LMBRD1: variants seen among roughly 807,000 people sequenced by gnomAD.
LMBRD1 encodes the protein LMBR1 domain containing 1.
LMBRD1 carries 64 observed loss-of-function variants against 74.8 expected under a neutral mutation model. The ratio of observed to expected loss-of-function variants is 0.86; its 90% CI spans 0.70 to 1.05. The LOEUF (loss-of-function observed/expected upper bound fraction) is 1.05, where lower values mean the gene tolerates loss of function less well. LMBRD1 is among the 50% of genes least tolerant of loss of function. The pLI is 0.00. For missense variants in LMBRD1, 652 were observed against 645.9 expected (o/e 1.01, Z -0.10); for synonymous variants, 204 against 216.3 (o/e 0.94, Z 0.50).
intron 9 of LMBRD1, chr6:69,705,325 C>A (rs1351557761): frequency 4.0e-6 from 3 of 757,944 alleles, no homozygotes; most frequent in African/African-American, 3.4e-5. Flanking sequence ...TCTTGAATAG[C>A]CTCCTGGTCA....
intron 3 of LMBRD1, among the ~76,000 whole-genome samples, chr6:69,772,989 C>T (rs892185007): frequency 6.6e-6 from 1 of 152,154 alleles, no homozygotes; most frequent in Non-Finnish European, 1.5e-5. Flanking sequence ...GAAGTAGGTA[C>T]TACTTTATCA....
intron 14 of LMBRD1, 67 bp from the exon 15 acceptor site, chr6:69,676,608 T>G: frequency 8.2e-7 from 1 of 1,215,824 alleles, no homozygotes; most frequent in Non-Finnish European, 1.2e-6. Flanking sequence ...TAATACTTTC[T>G]CTAAAAGATT....
intron 3 of LMBRD1, among the ~76,000 whole-genome samples, chr6:69,760,726 T>C (rs1765356452): frequency 6.6e-6 from 1 of 152,172 alleles, no homozygotes; most frequent in Non-Finnish European, 1.5e-5. Flanking sequence ...TGGGATGTCA[T>C]TTCTGAGATT....
intron 8 of LMBRD1, among the ~76,000 whole-genome samples, chr6:69,718,291 T>C (rs533271241): frequency 6.6e-6 from 1 of 152,168 alleles, no homozygotes; most frequent in South Asian, 2.1e-4. Flanking sequence ...TATAGTAAAA[T>C]ATAATATTAT....
intron 7 of LMBRD1, among the ~76,000 whole-genome samples, chr6:69,728,147 G>A (rs774711662): frequency 6.6e-6 from 1 of 152,162 alleles, no homozygotes; most frequent in Non-Finnish European, 1.5e-5. Flanking sequence ...AAGCCAGCAC[G>A]TTATATGTTG....
Position 69,697,621 on chromosome 6 carries a change from A to T in LMBRD1, c.1359T>A (p.Asn453Lys). 6.3e-7 allele frequency: 1 copy of T among 1,594,760 alleles called. No homozygotes were observed. The highest frequency in any genetic ancestry group is 1.1e-5 in the South Asian group (1 of 90,630). The change falls in exon 14 of 16, where the codon AAT becomes AAA. Residue 453 changes from asparagine (N) to lysine (K), a missense_variant. This residue lies in a region of LMBRD1 where 598 missense variants were observed against 581.8 expected (regional missense o/e 1.03). Coordinates refer to ENST00000649934, the MANE Select transcript of LMBRD1 (RefSeq NM_018368.4). ...CAGAAAGGGTTGAATTGCCTTTATG[A>T]TTATCAGAAGTTATATTAGTCTGAA... is the stretch of plus-strand genomic sequence containing the variant. ...YLIETNITSD[N>K]HKGNSTLSVP...
chr6:69,759,384 C>G (rs1454104019), intron 3 of LMBRD1, among the ~76,000 whole-genome samples: 1 of 151,918 alleles, frequency 6.6e-6, no homozygotes, highest in African/African-American at 2.4e-5. Context: ...AAATTACAGA[C>G]CAGTCTCACC....
intron 3 of LMBRD1, among the ~76,000 whole-genome samples, chr6:69,772,220 G>A (rs1442655328): frequency 6.6e-6 from 1 of 152,138 alleles, no homozygotes; most frequent in African/African-American, 2.4e-5. Context: ...ATATTTAGAA[G>A]GAAGCAATGG....
At position 69,674,198 on chromosome 6, in the gene LMBRD1, A is replaced by C. The variant is rs564934130; in HGVS notation, c.*1960T>G. The stretch of plus-strand genomic sequence containing the variant: ...CTAGATGTCTCTCCCCCTTCTTATA[A>C]GAACACCAGTCATATTGGATTTGGG... On this transcript the variant is annotated 3_prime_UTR_variant, in exon 16 of 16. Transcript: ENST00000649934. Among the ~76,000 whole-genome samples the C allele has an allele frequency of 1.5e-4, 23 of 152,286 alleles. No homozygotes were observed. Among genetic ancestry groups the C allele is most frequent in the Admixed American group, 9.8e-4 (15 of 15,284 alleles).
rs78281743 is a variant in LMBRD1, at chr6:69,718,891, A to G, written c.762+65T>C. On this transcript the variant is annotated intron_variant, in intron 8 of 15. Coordinates refer to ENST00000649934, the MANE Select transcript of LMBRD1 (RefSeq NM_018368.4). ...ATGGGGTTGACAATGTCTAAGTCAT[A>G]TCAGAAAGCAGCTCTAAGACAAAGT... The G allele has an allele frequency of 6.1e-4, 951 of 1,562,382 alleles. 20 individuals are homozygous for G. In the East Asian group the frequency reaches 0.021, roughly 34 times the overall value.
intron 7 of LMBRD1, among the ~76,000 whole-genome samples, chr6:69,731,895 G>A (rs1336995266): frequency 6.6e-6 from 1 of 152,048 alleles, no homozygotes; most frequent in Non-Finnish European, 1.5e-5. Flanking sequence ...CAAATATAAA[G>A]TTTTAGGAAC....
At chr6:69,774,987 A>AGGGAGGGAGGGAGGGAGGG (rs1765663433) in intron 3 of LMBRD1, among the ~76,000 whole-genome samples, 1 of 23,314 alleles carries the variant, frequency 4.3e-5, no homozygotes, top group African/African-American at 2.1e-4. Flanking sequence ...GGAAGGAAGG[A>AGGGAGGGAGGGAGGGAGGG]AGGGAGGGAG....
chr6:69,751,079 T>C (rs919854412), intron 4 of LMBRD1, among the ~76,000 whole-genome samples: 8 of 152,160 alleles, frequency 5.3e-5, no homozygotes, highest in Non-Finnish European at 8.8e-5. Flanking sequence ...TTTTGACATA[T>C]ACCTTTTAAC....
intron 13 of LMBRD1, 137 bp downstream of exon 13, chr6:69,698,903 AAAT>A (rs1278952517): frequency 2.9e-5 from 18 of 628,254 alleles, no homozygotes; most frequent in Non-Finnish European, 4.4e-5. Flanking sequence ...CTAAAAATAG[AAAT>A]AAAAAACCAG....
intron 5 of LMBRD1, chr6:69,746,945 C>A (rs1219493311): frequency 6.6e-6 from 1 of 151,824 alleles, no homozygotes; most frequent in East Asian, 1.9e-4. Flanking sequence ...TCCCTTACCA[C>A]ACTGAGAATC....
chr6:69,756,624 T>C (rs769868400), intron 3 of LMBRD1, among the ~76,000 whole-genome samples: 33 of 152,150 alleles, frequency 2.2e-4, no homozygotes, highest in Non-Finnish European at 3.8e-4. Context: ...ACCCAACAAT[T>C]TTCTTCCTCT....
At chr6:69,691,012 CT>C (rs1210083918) in intron 14 of LMBRD1, among the ~76,000 whole-genome samples, 1 of 152,056 alleles carries the variant, frequency 6.6e-6, no homozygotes, top group Admixed American at 6.6e-5. Context: ...CTTCCAAACT[CT>C]TATGTCTCCT....
At chr6:69,753,301 A>C (rs900905651) in intron 3 of LMBRD1, among the ~76,000 whole-genome samples, 4 of 152,244 alleles carry the variant, frequency 2.6e-5, no homozygotes, top group Admixed American at 1.3e-4. Context: ...GTACATATTC[A>C]TGAAACATAA....
chr6:69,690,467 C>T (rs1395813962), intron 14 of LMBRD1, among the ~76,000 whole-genome samples: 1 of 152,126 alleles, frequency 6.6e-6, no homozygotes, highest in Non-Finnish European at 1.5e-5. Context: ...AAGAAATCTC[C>T]TGAATGCTGT....
Sources: gnomAD v4.1 joint callset for allele counts (sites outside exome capture counted in the v4.1 genomes callset) on GRCh38, gnomAD v4.1.1 for gene constraint, gnomAD v4.1.1 regional missense constraint, MANE v1.5 for transcripts, NCBI Gene and HGNC (gene_info 2026-07-23, HGNC 2026-07-21) for gene names.